CD34: variants seen among roughly 807,000 people sequenced by gnomAD.
The protein encoded by CD34 is hematopoietic progenitor cell antigen CD34.
CD34 carries 34 observed loss-of-function variants against 40.1 expected under a neutral mutation model. That is an observed-to-expected ratio of 0.85 (90% CI 0.65 to 1.13). CD34 has a LOEUF of 1.13. CD34 is among the 50% of genes most tolerant of loss of function. The pLI is 0.00. For synonymous variants in CD34, 209 were observed against 190.0 expected (o/e 1.10, Z -0.82); for missense variants, 426 against 466.9 (o/e 0.91, Z 0.81).
At chr1:207,898,599 G>A (rs1210576394) in intron 3 of CD34, among the ~76,000 whole-genome samples, 2 of 152,178 alleles carry the variant, frequency 1.3e-5, no homozygotes, top group African/African-American at 2.4e-5. Flanking sequence ...CCTAACCATT[G>A]TGGGAGAAGC....
chr1:207,908,361 C>T (rs1662429439), intron 1 of CD34, among the ~76,000 whole-genome samples: 1 of 152,260 alleles, frequency 6.6e-6, no homozygotes, highest in African/African-American at 2.4e-5. Flanking sequence ...TCTACAAGTG[C>T]GGAGCACTGG....
chr1:207,910,859 G>T (rs1326601394), intron 1 of CD34, 143 bp downstream of exon 1: 6 of 823,846 alleles, frequency 7.3e-6, no homozygotes, highest in Non-Finnish European at 1.1e-5. Flanking sequence ...GGCCCCGGGG[G>T]GAAGCAGCTG....
intron 4 of CD34, among the ~76,000 whole-genome samples, chr1:207,892,584 T>C (rs1662061062): frequency 6.8e-6 from 1 of 147,854 alleles, no homozygotes; most frequent in Admixed American, 6.8e-5. Context: ...AGACTCTGTC[T>C]CAAAAAAAAA....
rs1388925411 is a variant in CD34, at chr1:207,885,214, G to C, written c.*2524C>G. On this transcript the variant is annotated 3_prime_UTR_variant, in exon 8 of 8. Coordinates refer to ENST00000310833, the MANE Select transcript of CD34 (RefSeq NM_001025109.2). ...AGCCCAACATGGAGGCGATTGAGCT[G>C]AGGCTGAGCAGTAGGACCTCAATAA... 1 of 152,246 alleles carries C rather than the reference G, an allele frequency of 6.6e-6. No homozygotes were observed. The highest frequency in any genetic ancestry group is 1.9e-4 in the East Asian group (1 of 5,194). 9.4% of individuals were successfully genotyped at this position (152,246 alleles called of 1,614,324 possible).
At chr1:207,892,035 C>T (rs2300055) in intron 4 of CD34, among the ~76,000 whole-genome samples, 18,213 of 152,098 alleles carry the variant, frequency 0.12, 1,617 homozygotes, top group African/African-American at 0.25. Flanking sequence ...AAGATGGGGA[C>T]AGCATGCATT....
intron 3 of CD34, among the ~76,000 whole-genome samples, chr1:207,898,031 TTTTATTTATTTATTTA>T (rs60024563): frequency 1.2e-4 from 17 of 143,378 alleles, no homozygotes; most frequent in East Asian, 2.0e-4. Flanking sequence ...ATTTTGGCTC[TTTTATTTATTTATTTA>T]TTTATTTATT....
Position 207,882,855 on chromosome 1 carries a change from G to T in CD34, c.*4883C>A, listed in dbSNP as rs1048189654. ...TGGGAAGCCTTCCATGGTCTTCCACGGCTTCCATGCCCCTCCCACTCAGAG... is the reference window on the plus strand; with the variant it reads ...TGGGAAGCCTTCCATGGTCTTCCACTGCTTCCATGCCCCTCCCACTCAGAG... On this transcript the variant is annotated 3_prime_UTR_variant, in exon 8 of 8. Coordinates refer to ENST00000310833, the MANE Select transcript of CD34 (RefSeq NM_001025109.2). 1.3e-5 allele frequency: 2 copies of T among 152,062 alleles called. No homozygotes were observed. Among genetic ancestry groups the T allele is most frequent in the Non-Finnish European group, 2.9e-5 (2 of 68,088 alleles). 9.4% of individuals were successfully genotyped at this position (152,062 alleles called of 1,614,324 possible).
At chr1:207,890,114 A>G (rs948504870) in intron 4 of CD34, 8 of 1,163,140 alleles carry the variant, frequency 6.9e-6, no homozygotes, top group Non-Finnish European at 8.5e-6. Flanking sequence ...TACCCAAAGG[A>G]GTCTCAAAAA....
intron 4 of CD34, among the ~76,000 whole-genome samples, chr1:207,892,349 G>A (rs971733494): frequency 2.6e-5 from 4 of 152,150 alleles, no homozygotes; most frequent in African/African-American, 2.4e-5. Flanking sequence ...AGGCCGAGAT[G>A]GACAAATCAG....
chr1:207,887,912 AG>A lies in CD34; in HGVS notation c.983del (p.Pro328LeufsTer28). 6.2e-7 allele frequency: 1 copy of A among 1,613,336 alleles called. No individual in the cohort carries two copies. The highest frequency in any genetic ancestry group is 8.5e-7 in the Non-Finnish European group (1 of 1,179,916). ...SPTGERLGED[P>X]YYTENGGGQG... Reference sequence around the variant, plus strand: ...GGCCTCCACCGTTTTCCGTGTAATAAGGGTCTTCGCCCTAGACAGTGTATAA... The same window carrying A: ...GGCCTCCACCGTTTTCCGTGTAATAAGGTCTTCGCCCTAGACAGTGTATAA... On this transcript the variant is annotated frameshift_variant, in exon 8 of 8. Coordinates refer to ENST00000310833, the MANE Select transcript of CD34 (RefSeq NM_001025109.2). LOFTEE classifies it high-confidence loss of function.
At chr1:207,888,184 C>T (rs1384664238) in intron 7 of CD34, 11 of 1,580,092 alleles carry the variant, frequency 7.0e-6, no homozygotes, top group East Asian at 2.2e-5. Context: ...CCAGCTCCCG[C>T]AGGAAAACGG....
intron 1 of CD34, among the ~76,000 whole-genome samples, chr1:207,910,425 T>G (rs368325918): frequency 2.6e-5 from 4 of 152,228 alleles, no homozygotes; most frequent in African/African-American, 7.2e-5. Context: ...TGGTTGGTTG[T>G]TTGGTTTTGT....
rs758666929 is a variant in CD34 at position 207,885,909 on chromosome 1, C to A, written c.*1829G>T. The A allele has an allele frequency of 6.6e-6, 1 of 151,974 alleles. No homozygotes were observed. Among genetic ancestry groups the A allele is most frequent in the Admixed American group, 6.6e-5 (1 of 15,264 alleles). The allele number at this position is 151,974 out of a possible 1,614,324, so 9.4% of individuals were successfully genotyped here. ...ACACTTGGGAGTGTTTCCTGGAGCT[C>A]CTCAGCACTCCCTCCCCAACTTCCT... On this transcript the variant is annotated 3_prime_UTR_variant, in exon 8 of 8. Transcript: ENST00000310833.
At position 207,882,227 on chromosome 1, in the gene CD34, G is replaced by A. The variant is rs1252805295; in HGVS notation, c.*5511C>T. The A allele has an allele frequency of 6.6e-6, 1 of 152,230 alleles. No individual in the cohort carries two copies. The highest frequency in any genetic ancestry group is 2.4e-5 in the African/African-American group (1 of 41,432). The allele number at this position is 152,230 out of a possible 1,614,324, so 9.4% of individuals were successfully genotyped here. Reference sequence around the variant, plus strand: ...TCAAGGAATGACATGGCACCAGGGTGGTATCAGCAGAGATCTACTGGGAAG... The same window carrying A: ...TCAAGGAATGACATGGCACCAGGGTAGTATCAGCAGAGATCTACTGGGAAG... On this transcript the variant is annotated 3_prime_UTR_variant, in exon 8 of 8. Coordinates refer to ENST00000310833, the MANE Select transcript of CD34 (RefSeq NM_001025109.2).
rs749710936 is a variant in CD34 at position 207,889,453 on chromosome 1, G to A, written c.754+12C>T. Reference sequence around the variant, plus strand: ...CTCCTTCCCTGTTCCCCCAGGCAGAGGTGCACCTTACCTGTTCTGTTGGCC... The same window carrying A: ...CTCCTTCCCTGTTCCCCCAGGCAGAAGTGCACCTTACCTGTTCTGTTGGCC... On this transcript the variant is annotated intron_variant, in intron 5 of 7. Coordinates refer to ENST00000310833, the MANE Select transcript of CD34 (RefSeq NM_001025109.2). 5 of 1,605,064 alleles carry A rather than the reference G, an allele frequency of 3.1e-6. No individual in the cohort carries two copies. The South Asian group carries it at 3.3e-5, about 11-fold the overall frequency.
chr1:207,911,054 TGC>T lies in CD34; in HGVS notation c.25_26del (p.Ala9ArgfsTer25), dbSNP rs759587686. 3 of 1,591,662 alleles carry T rather than the reference TGC, an allele frequency of 1.9e-6. No individual in the cohort carries two copies. Among genetic ancestry groups the T allele is most frequent in the East Asian group, 2.3e-5 (1 of 44,244 alleles). MLVRRGARAGPRMPRGWTA... is the reference protein window; with the variant it reads MLVRRGARXGPRMPRGWTA... The stretch of plus-strand genomic sequence containing the variant: ...TCCAGCCCCGCGGCATCCTGGGCCC[TGC>T]GCGCGCGCCCCTGCGGACCAGCATC... On this transcript the variant is annotated frameshift_variant, in exon 1 of 8. Transcript: ENST00000310833. LOFTEE classifies it high-confidence loss of function.
chr1:207,906,003 T>A (rs936387181), intron 1 of CD34, among the ~76,000 whole-genome samples: 3 of 152,190 alleles, frequency 2.0e-5, no homozygotes, highest in Non-Finnish European at 4.4e-5. Flanking sequence ...TCATTCTCAT[T>A]TTTCTGCAGT....
intron 1 of CD34, among the ~76,000 whole-genome samples, chr1:207,903,098 T>C (rs1440419325): frequency 6.6e-6 from 1 of 152,162 alleles, no homozygotes; most frequent in Non-Finnish European, 1.5e-5. Context: ...AGGGGACACC[T>C]TAGCCAGGGG....
At position 207,899,208 on chromosome 1, in the gene CD34, G is replaced by A; in HGVS notation, c.281C>T (p.Thr94Ile). 1 of 1,614,196 alleles carries A rather than the reference G, an allele frequency of 6.2e-7. No individual in the cohort carries two copies. Among genetic ancestry groups the A allele is most frequent in the Non-Finnish European group, 8.5e-7 (1 of 1,180,004 alleles). Residue 94 changes from threonine to isoleucine, a missense_variant, in exon 3 of 8, where the codon ACA becomes ATA. Transcript: ENST00000310833. Reference sequence around the variant, plus strand: ...AACTGAGGTTATCACAGAGGTAGATGTGAATTTGACTGTCGTTTCTGGAAG... The same window carrying A: ...AACTGAGGTTATCACAGAGGTAGATATGAATTTGACTGTCGTTTCTGGAAG... ...TNITETTVKF[T>I]STSVITSVYG...
Sources: gnomAD v4.1 joint callset for allele counts (sites outside exome capture counted in the v4.1 genomes callset) on GRCh38, gnomAD v4.1.1 for gene constraint, MANE v1.5 for transcripts, NCBI Gene and HGNC (gene_info 2026-07-23, HGNC 2026-07-21) for gene names.